Variants in TTN observed in about 807,000 individuals in gnomAD.
TTN encodes titin.
TTN carries 1,525 observed loss-of-function variants against 3,223.0 expected under a neutral mutation model. The ratio of observed to expected loss-of-function variants is 0.47; its 90% CI spans 0.45 to 0.49. The LOEUF (loss-of-function observed/expected upper bound fraction) is 0.49. Ranked by LOEUF, TTN falls within the 20% of genes least tolerant of loss-of-function variation. The pLI is 0.00. For missense variants in TTN, 40,786 were observed against 43,424.0 expected (o/e 0.94, Z 5.40); for synonymous variants, 14,094 against 15,161.0 (o/e 0.93, Z 5.17).
chr2:178,628,735 C>T (rs911728207), intron 240 of TTN: 6 of 152,296 alleles, frequency 3.9e-5, no homozygotes, highest in Admixed American at 1.3e-4. Context: ...ATCAGTTGCA[C>T]TTTAAATAGT....
intron 335 of TTN, 109 bp downstream of exon 335, chr2:178,551,521 C>T (rs903282295): frequency 3.5e-5 from 35 of 996,110 alleles, no homozygotes; most frequent in Non-Finnish European, 4.6e-5. Context: ...TCTCTAGTGA[C>T]AAGAAGATAT....
At position 178,548,364 on chromosome 2, in the gene TTN, A is replaced by C. The variant is rs1023137329; in HGVS notation, c.93262T>G (p.Phe31088Val). 1.8e-5 allele frequency: 29 copies of C among 1,613,774 alleles called. No individual in the cohort carries two copies. The highest frequency in any genetic ancestry group is 2.4e-5 in the Non-Finnish European group (28 of 1,179,836). The change falls in exon 339 of 363, where the codon TTC (phenylalanine) becomes GTC (valine). Residue 31088 changes from phenylalanine (F) to valine (V), a missense_variant. Transcript: ENST00000589042. This position sits in a 1 kb window ranked among gnomAD's most constrained non-coding sequence, Gnocchi z 4.3. ...TACTCATTTACTGCAGAAACACGGAAATAGTACGGAACACCTTCGGCCAGG... is the reference window on the plus strand; with the variant it reads ...TACTCATTTACTGCAGAAACACGGACATAGTACGGAACACCTTCGGCCAGG... ...NDLAEGVPYY[F>V]RVSAVNEYGV...
intron 65 of TTN, 24 bp from the exon 66 acceptor site, chr2:178,728,802 A>T: frequency 6.3e-7 from 1 of 1,586,134 alleles, no homozygotes; most frequent in Non-Finnish European, 8.6e-7. Flanking sequence ...GAAAATGTGG[A>T]TGAGTTACAT....
At chr2:178,585,436 A>G (rs1257448820) in intron 308 of TTN, 89 bp from the exon 309 acceptor site, 10 of 1,388,298 alleles carry the variant, frequency 7.2e-6, no homozygotes, top group African/African-American at 4.3e-5. Context: ...TAATGCTTGT[A>G]TTACCACCAA....
At chr2:178,799,265 G>C in intron 6 of TTN, 1 of 632,522 alleles carries the variant, frequency 1.6e-6, no homozygotes, top group South Asian at 1.9e-5. Context: ...AAACCCCTGA[G>C]ACCCTAGTAG....
rs2154212467 is a variant in TTN at position 178,621,958 on chromosome 2, G to A, written c.44964C>T (p.Asp14988=). ...TGCGCACTGCTCCCTTGGATATGAT[G>A]TCATATTTTTTGCCCTTTTTAATTT... ...GAEIKKGKKY[D]IISKGAVRIL... Residue 14988 remains aspartate, a synonymous_variant, in exon 244 of 363, where the codon GAC becomes GAT. Transcript: ENST00000589042. 6.2e-7 allele frequency: 1 copy of A among 1,611,308 alleles called. No individual in the cohort carries two copies. The highest frequency in any genetic ancestry group is 8.5e-7 in the Non-Finnish European group (1 of 1,178,594).
In TTN at chr2:178,733,536, G is replaced by A; in HGVS notation, c.15776-19C>T. ...GCAGGTTCTACAATGGTATGAAATA[G>A]TTAGCACCCTAAATGCTTGTTAGGG... On this transcript the variant is annotated intron_variant, in intron 53 of 362. Coordinates refer to ENST00000589042, the MANE Select transcript of TTN (RefSeq NM_001267550.2). 1 of 1,603,118 alleles carries A rather than the reference G, an allele frequency of 6.2e-7. No homozygotes were observed. Among genetic ancestry groups the A allele is most frequent in the Non-Finnish European group, 8.5e-7 (1 of 1,172,988 alleles).
Position 178,731,527 on chromosome 2 carries a change from C to T in TTN, c.17239G>A (p.Ala5747Thr). The T allele has an allele frequency of 6.2e-7, 1 of 1,613,222 alleles. No homozygotes were observed. Among genetic ancestry groups the T allele is most frequent in the South Asian group, 1.1e-5 (1 of 91,048 alleles). ...CCCTTCAGAGTGGCCTGGAAGGCAG[C>T]TGTGCCTCCCCGGAGGGAGCTGGTA... ...ESTSSLRGGT[A>T]AFQATLKGSL... The change falls in exon 59 of 363, where the codon GCT becomes ACT. Residue 5747 changes from alanine (A) to threonine (T), a missense_variant. Ala to Thr is a moderately conservative substitution (Grantham distance 58, BLOSUM62 0). Coordinates refer to ENST00000589042, the MANE Select transcript of TTN (RefSeq NM_001267550.2).
intron 218 of TTN, 111 bp from the exon 219 acceptor site, chr2:178,642,428 T>G (rs2061362965): frequency 3.6e-6 from 3 of 840,912 alleles, no homozygotes; most frequent in South Asian, 3.3e-5. Context: ...AAGTAACAAT[T>G]TTCGCTGCAT....
At chr2:178,544,557 T>G (rs1696134974) in intron 344 of TTN, 51 bp from the exon 345 acceptor site, 2 of 1,491,414 alleles carry the variant, frequency 1.3e-6, no homozygotes, top group Non-Finnish European at 1.8e-6. Context: ...AAGGAAATGT[T>G]GAGATTTGTA....
In TTN at chr2:178,702,467, G is replaced by T. The variant is rs759270137; in HGVS notation, c.30420C>A (p.Thr10140=). ...CAATGAAATCACCTTCATCGTCTGG[G>T]GTCACATTGTGGATGGTCATATAAT... is the stretch of plus-strand genomic sequence containing the variant. ...RCHYMTIHNV[T]PDDEGVYSVI... Residue 10140 remains threonine (T), a synonymous_variant, in exon 107 of 363, where the codon ACC becomes ACA. Coordinates refer to ENST00000589042, the MANE Select transcript of TTN (RefSeq NM_001267550.2). 8.1e-6 allele frequency: 13 copies of T among 1,613,740 alleles called. No homozygotes were observed. The Admixed American group carries it at 2.0e-4, about 25-fold the overall frequency.
chr2:178,720,753 G>T, intron 79 of TTN, 90 bp from the exon 80 acceptor site: 1 of 1,401,910 alleles, frequency 7.1e-7, no homozygotes, highest in Non-Finnish European at 9.4e-7. Flanking sequence ...AGTGACTGGT[G>T]TGATCATATG....
rs1453338372 is a variant in TTN, at chr2:178,780,203, C to T, written c.3526G>A (p.Asp1176Asn). Reference sequence around the variant, plus strand: ...TGGGACTTCATCAGTAACTCATAATCAGCTAAGAGTTAAGAACATCAGTTA... The same window carrying T: ...TGGGACTTCATCAGTAACTCATAATTAGCTAAGAGTTAAGAACATCAGTTA... ...SASASLLEEA[D>N]YELLMKSQQE... Residue 1176 changes from aspartate (D) to asparagine (N), a missense_variant and splice_region_variant, in exon 22 of 363, where the codon GAT (aspartate) becomes AAT (asparagine). By Grantham distance (23) the Asp-to-Asn change is conservative. Coordinates refer to ENST00000589042, the MANE Select transcript of TTN (RefSeq NM_001267550.2). 1 of 1,611,508 alleles carries T rather than the reference C, an allele frequency of 6.2e-7. No individual in the cohort carries two copies. Among genetic ancestry groups the T allele is most frequent in the Admixed American group, 1.7e-5 (1 of 60,010 alleles).
chr2:178,743,508 C>A (rs1041615847), intron 47 of TTN, among the ~76,000 whole-genome samples: 4 of 152,016 alleles, frequency 2.6e-5, no homozygotes, highest in Non-Finnish European at 5.9e-5. Flanking sequence ...AACAGAATTA[C>A]AGAATTCTAA....
At chr2:178,694,520 CT>C (rs1188447361) in intron 117 of TTN, 78 bp downstream of exon 117, 1 of 997,028 alleles carries the variant, frequency 1.0e-6, no homozygotes. Context: ...TTGTGAGTTA[CT>C]TAGCAATATA....
chr2:178,733,074 T>C lies in TTN; in HGVS notation c.16102A>G (p.Ser5368Gly). Reference sequence around the variant, plus strand: ...AGTCTGCAGGTACCATTAACAACACTATCCACGTTGCGCAAGGGTTTGGTA... The same window carrying C: ...AGTCTGCAGGTACCATTAACAACACCATCCACGTTGCGCAAGGGTTTGGTA... ...FFTKPLRNVD[S>G]VVNGTCRLDC... The change falls in exon 55 of 363, where the codon AGT becomes GGT. Residue 5368 changes from serine to glycine, a missense_variant. Ser to Gly is a moderately conservative substitution (Grantham distance 56). Coordinates refer to ENST00000589042, the MANE Select transcript of TTN (RefSeq NM_001267550.2). 2 of 1,609,176 alleles carry C rather than the reference T, an allele frequency of 1.2e-6. No individual in the cohort carries two copies. Among genetic ancestry groups the C allele is most frequent in the South Asian group, 2.2e-5 (2 of 90,456 alleles).
intron 133 of TTN, 135 bp from the exon 134 acceptor site, chr2:178,683,426 A>G (rs530562293): frequency 2.3e-5 from 13 of 571,082 alleles, no homozygotes; most frequent in South Asian, 1.8e-4. Flanking sequence ...AAAAAGCAAG[A>G]AAATCAATAG....
chr2:178,732,665 C>T lies in TTN; in HGVS notation c.16396G>A (p.Ala5466Thr). Residue 5466 changes from alanine to threonine, a missense_variant, in exon 56 of 363, where the codon GCA (alanine) becomes ACA (threonine). Coordinates refer to ENST00000589042, the MANE Select transcript of TTN (RefSeq NM_001267550.2). ...PGSKDVLPGSAVCLKSTFQGS... is the reference protein window; with the variant it reads ...PGSKDVLPGSTVCLKSTFQGS... ...TGGAAAGTGCTCTTCAGGCAGACTGCTGAGCCAGGCAGAACATCCTTTGAG... is the reference window on the plus strand; with the variant it reads ...TGGAAAGTGCTCTTCAGGCAGACTGTTGAGCCAGGCAGAACATCCTTTGAG... 1.2e-6 allele frequency: 2 copies of T among 1,609,786 alleles called. No individual in the cohort carries two copies. Among genetic ancestry groups the T allele is most frequent in the Non-Finnish European group, 1.7e-6 (2 of 1,177,698 alleles).
chr2:178,545,610 C>G lies in TTN; in HGVS notation c.95500G>C (p.Asp31834His). 6.2e-7 allele frequency: 1 copy of G among 1,613,802 alleles called. No individual in the cohort carries two copies. Among genetic ancestry groups the G allele is most frequent in the Non-Finnish European group, 8.5e-7 (1 of 1,179,750 alleles). Residue 31834 changes from aspartate to histidine, a missense_variant, in exon 344 of 363, where the codon GAT becomes CAT. Physicochemically the swap from Asp to His is moderately conservative, Grantham distance 81. Transcript: ENST00000589042. Reference sequence around the variant, plus strand: ...TAGTTGCTGATTTCATTGCCACCATCAGATTCAGGTTTTGTCCACTGAATG... The same window carrying G: ...TAGTTGCTGATTTCATTGCCACCATGAGATTCAGGTTTTGTCCACTGAATG... ...IIIQWTKPES[D>H]GGNEISNYLV...
Sources: gnomAD v4.1 joint callset for allele counts (sites outside exome capture counted in the v4.1 genomes callset) on GRCh38, gnomAD v4.1.1 for gene constraint, Gnocchi (gnomAD v3.1) non-coding constraint, MANE v1.5 for transcripts, NCBI Gene and HGNC (gene_info 2026-07-23, HGNC 2026-07-21) for gene names.